Variants in LTA observed in about 807,000 individuals in gnomAD.
The protein encoded by LTA is lymphotoxin-alpha.
Under a neutral mutation model 15.1 loss-of-function variants are expected in LTA, and 6 were observed. The ratio of observed to expected loss-of-function variants is 0.40; its 90% CI spans 0.22 to 0.78. LTA has a LOEUF of 0.78. Ranked by LOEUF, LTA falls within the 30% of genes least tolerant of loss-of-function variation. The pLI, the probability that LTA is intolerant of heterozygous loss-of-function variation, is 0.38. For missense variants in LTA, 173 were observed against 249.5 expected (o/e 0.69, Z 2.06); for synonymous variants, 87 against 107.3 (o/e 0.81, Z 1.17).
At chr6:31,567,876 A>G (rs1486252640), upstream of LTA, among the ~76,000 whole-genome samples, 1 of 151,718 alleles carries the variant, frequency 6.6e-6, no homozygotes, top group Non-Finnish European at 1.5e-5. Context: ...CAACACCCCC[A>G]GCTTGGTTCC....
chr6:31,573,220 G>T, intron 3 of LTA, 61 bp from the exon 4 acceptor site: 5 of 1,527,984 alleles, frequency 3.3e-6, no homozygotes, highest in African/African-American at 1.4e-5. Flanking sequence ...CTTCCTCAGG[G>T]ATTGAGACCT....
At chr6:31,564,528 CCGCCT>C in the LTA span, among the ~76,000 whole-genome samples, 23 of 152,022 alleles carry the variant, frequency 1.5e-4, no homozygotes, top group South Asian at 4.1e-4. Flanking sequence ...CGTGATCCAC[CCGCCT>C]CAGCCTCCCA....
At chr6:31,568,717 C>A (rs1770693602), upstream of LTA, among the ~76,000 whole-genome samples, 1 of 152,176 alleles carries the variant, frequency 6.6e-6, no homozygotes, top group Non-Finnish European at 1.5e-5. The surrounding 1 kb of genome is among the most constrained non-coding windows in gnomAD (Gnocchi z 4.1). Flanking sequence ...AAACCAACTG[C>A]TGGCCTGCCC....
rs757555964 is a variant in LTA at position 31,573,045 on chromosome 6, C to T, written c.205+12C>T. On this transcript the variant is annotated intron_variant, in intron 3 of 3. Transcript: ENST00000418386. ...TGCTCACCTCATTGGTAAACATCCA[C>T]CTGACCTCCCAGACATGTCCCCACC... The T allele has an allele frequency of 3.7e-6, 6 of 1,601,902 alleles. No homozygotes were observed. The highest frequency in any genetic ancestry group is 1.7e-5 in the Admixed American group (1 of 59,908).
chr6:31,573,090 C>A (rs906936539), intron 3 of LTA, 57 bp downstream of exon 3: 3 of 1,451,672 alleles, frequency 2.1e-6, no homozygotes, highest in South Asian at 1.2e-5. Context: ...CCTACCCCTG[C>A]CTCAGGAACC....
At chr6:31,561,374 C>T in the LTA span, among the ~76,000 whole-genome samples, 2 of 152,184 alleles carry the variant, frequency 1.3e-5, no homozygotes, top group Non-Finnish European at 2.9e-5. Flanking sequence ...CAAATCCTCT[C>T]AACGTCTGTC....
At chr6:31,571,044 GA>G (rs1427087772), upstream of LTA, among the ~76,000 whole-genome samples, 1 of 143,588 alleles carries the variant, frequency 7.0e-6, no homozygotes, top group East Asian at 2.0e-4. Flanking sequence ...CAATAAAAAG[GA>G]AAAAAATTTT....
At chr6:31,562,728 G>A in the LTA span, among the ~76,000 whole-genome samples, 2 of 152,174 alleles carry the variant, frequency 1.3e-5, no homozygotes, top group South Asian at 4.1e-4. Flanking sequence ...AGCCAGGCGT[G>A]GTGGCACATG....
At chr6:31,563,538 T>G in the LTA span, among the ~76,000 whole-genome samples, 1 of 152,220 alleles carries the variant, frequency 6.6e-6, no homozygotes, top group South Asian at 2.1e-4. Flanking sequence ...AGGCCTCTTA[T>G]GGTGACTCAG....
At chr6:31,566,871 CA>C in the LTA span, among the ~76,000 whole-genome samples, 1 of 151,848 alleles carries the variant, frequency 6.6e-6, no homozygotes, top group Admixed American at 6.6e-5. Context: ...ACCCGGGCAG[CA>C]GAGGTTGCAG....
chr6:31,568,482 G>C (rs923740415), upstream of LTA, among the ~76,000 whole-genome samples: 2 of 152,166 alleles, frequency 1.3e-5, no homozygotes, highest in Non-Finnish European at 2.9e-5. The surrounding 1 kb of genome is among the most constrained non-coding windows in gnomAD (Gnocchi z 4.1). Flanking sequence ...AGTTTGAGTT[G>C]TGATTTGGGT....
At chr6:31,563,490 T>C in the LTA span, among the ~76,000 whole-genome samples, 1 of 152,190 alleles carries the variant, frequency 6.6e-6, no homozygotes, top group Admixed American at 6.5e-5. Flanking sequence ...CCAAGAACAC[T>C]GATGACTCTC....
upstream of LTA, among the ~76,000 whole-genome samples, chr6:31,567,808 C>T (rs1770658287): frequency 6.6e-6 from 1 of 151,976 alleles, no homozygotes; most frequent in Non-Finnish European, 1.5e-5. Context: ...GACCTCATCT[C>T]CCACCCGCCT....
chr6:31,572,642 G>GCCGTATCATTACACACA, intron 1 of LTA, 92 bp from the exon 2 acceptor site: 1 of 828,696 alleles, frequency 1.2e-6, no homozygotes, highest in Non-Finnish European at 2.0e-6. Flanking sequence ...CTCGGGGGTC[G>GCCGTATCATTACACACA]GGGGGTGCTC....
chr6:31,574,057 TGAA>T lies in LTA; in HGVS notation c.*366_*368del. ...CTAGAGGCAGGGAGGGGACTATTTA[TGAA>T]GGCAAAAAAATTAAATTATTTATTT... On this transcript the variant is annotated 3_prime_UTR_variant, in exon 4 of 4. Coordinates refer to ENST00000418386, the MANE Select transcript of LTA (RefSeq NM_000595.4). 2.3e-6 allele frequency: 1 copy of T among 439,870 alleles called. No homozygotes were observed. 27.2% of individuals were successfully genotyped at this position (439,870 alleles called of 1,614,324 possible).
Position 31,572,963 on chromosome 6 carries a change from C to G in LTA, c.135C>G (p.Ala45=). The G allele has an allele frequency of 1.2e-6, 2 of 1,612,762 alleles. No homozygotes were observed. Among genetic ancestry groups the G allele is most frequent in the Non-Finnish European group, 1.7e-6 (2 of 1,179,912 alleles). Residue 45 remains alanine (A), a synonymous_variant, in exon 3 of 4, where the codon GCC becomes GCG. Coordinates refer to ENST00000418386, the MANE Select transcript of LTA (RefSeq NM_000595.4). ...LPGVGLTPSA[A]QTARQHPKMH... is the part of the protein sequence containing the mutation. ...GTGTTGGCCTCACACCTTCAGCTGC[C>G]CAGACTGCCCGTCAGCACCCCAAGA... is the stretch of plus-strand genomic sequence containing the variant.
At chr6:31,568,292 G>A (rs1770680008), upstream of LTA, among the ~76,000 whole-genome samples, 1 of 152,194 alleles carries the variant, frequency 6.6e-6, no homozygotes, top group South Asian at 2.1e-4. This position sits in a 1 kb window ranked among gnomAD's most constrained non-coding sequence, Gnocchi z 4.1. Flanking sequence ...CTTTAGGCTT[G>A]TGGCTCAGAT....
chr6:31,571,099 C>G (rs1245063036), upstream of LTA, among the ~76,000 whole-genome samples: 1 of 149,778 alleles, frequency 6.7e-6, no homozygotes, highest in Non-Finnish European at 1.5e-5. Flanking sequence ...CTTGCTCTGT[C>G]CCCCAGGCTG....
chr6:31,573,180 T>C (rs4647195), intron 3 of LTA, 101 bp from the exon 4 acceptor site: 17,424 of 1,035,722 alleles, frequency 0.017, 191 homozygotes, highest in Non-Finnish European at 0.019. Context: ...CCCCCTGCCA[T>C]CCCCCAGGAA....
Sources: gnomAD v4.1 joint callset for allele counts (sites outside exome capture counted in the v4.1 genomes callset) on GRCh38, gnomAD v4.1.1 for gene constraint, Gnocchi (gnomAD v3.1) non-coding constraint, MANE v1.5 for transcripts, NCBI Gene and HGNC (gene_info 2026-07-23, HGNC 2026-07-21) for gene names.